Variants in LCTL observed in about 807,000 individuals in gnomAD.
LCTL encodes lactase-like protein.
In LCTL, 76 loss-of-function variants were observed where a neutral mutation model predicts 75.8. That is an observed-to-expected ratio of 1.00 (90% CI 0.83 to 1.21). LCTL has a LOEUF of 1.21. Ranked by LOEUF, LCTL falls within the 50% of genes most tolerant of loss-of-function variation. LCTL has a pLI of 0.00. For missense variants in LCTL, 670 were observed against 712.4 expected (o/e 0.94, Z 0.68); for synonymous variants, 271 against 268.8 (o/e 1.01, Z -0.08).
chr15:66,558,257 G>A (rs1247835709), intron 6 of LCTL, among the ~76,000 whole-genome samples: 2 of 152,088 alleles, frequency 1.3e-5, no homozygotes, highest in African/African-American at 2.4e-5. Flanking sequence ...ACAACTTTTT[G>A]TTGTTATTTA....
chr15:66,552,282 T>A, intron 9 of LCTL, 113 bp from the exon 11 acceptor site: 1 of 826,616 alleles, frequency 1.2e-6, no homozygotes, highest in Non-Finnish European at 1.9e-6. Context: ...TCTAATCAAG[T>A]GTATTTTGGC....
At chr15:66,560,623 T>C (rs1286152161) in intron 6 of LCTL, among the ~76,000 whole-genome samples, 1 of 152,204 alleles carries the variant, frequency 6.6e-6, no homozygotes. Context: ...CACACTCTGA[T>C]GACCACTTCT....
intron 9 of LCTL, among the ~76,000 whole-genome samples, chr15:66,552,480 G>A (rs1223948042): frequency 6.6e-6 from 1 of 151,802 alleles, no homozygotes; most frequent in African/African-American, 2.4e-5. Context: ...AGACCAGCCT[G>A]GCCAACATGG....
intron 8 of LCTL, among the ~76,000 whole-genome samples, chr15:66,554,973 C>T (rs1895706846): frequency 6.6e-6 from 1 of 152,008 alleles, no homozygotes; most frequent in African/African-American, 2.4e-5. Flanking sequence ...GAAACATGTC[C>T]AGGTGTAATC....
chr15:66,551,990 A>G, intron 10 of LCTL, 53 bp downstream of exon 11: 2 of 1,585,376 alleles, frequency 1.3e-6, no homozygotes, highest in Non-Finnish European at 1.7e-6. Flanking sequence ...TGTTAATCAC[A>G]TTTTGTCTCA....
chr15:66,553,205 G>A, exon 9 of LCTL: 1 of 1,606,806 alleles, frequency 6.2e-7, no homozygotes, highest in Non-Finnish European at 8.5e-7. Flanking sequence ...TTCTCCTGGA[G>A]TGAGAACACC....
Position 66,557,759 on chromosome 15 carries a change from A to T in LCTL, c.885T>A (p.Tyr295Ter), listed in dbSNP as rs934214687. The change falls in exon 8 of 13, where the codon TAT becomes TAA. Residue 295 changes from tyrosine to a stop codon, truncating the protein, a stop_gained. Transcript: ENST00000341509. LOFTEE classifies it high-confidence loss of function. ...TCATGACTTGGGGGTAGTCACCGGCATAAATGGGGTTGGCAAACCAGCCCA... is the reference window on the plus strand; with the variant it reads ...TCATGACTTGGGGGTAGTCACCGGCTTAAATGGGGTTGGCAAACCAGCCCA... 3 of 1,614,144 alleles carry T rather than the reference A, an allele frequency of 1.9e-6. No individual in the cohort carries two copies. The highest frequency in any genetic ancestry group is 2.5e-6 in the Non-Finnish European group (3 of 1,180,012).
intron 7 of LCTL, 44 bp from the exon 9 acceptor site, chr15:66,557,927 A>G: frequency 6.2e-7 from 1 of 1,609,776 alleles, no homozygotes; most frequent in Non-Finnish European, 8.5e-7. Context: ...TGGGCATGCC[A>G]TTGCTGCTCC....
intron 8 of LCTL, among the ~76,000 whole-genome samples, chr15:66,556,722 G>A (rs538557513): frequency 6.6e-6 from 1 of 152,280 alleles, no homozygotes; most frequent in South Asian, 2.1e-4. Context: ...GACAAATACT[G>A]TATGATTCCA....
chr15:66,549,982 G>C lies in LCTL; in HGVS notation c.1588+59C>G, dbSNP rs1040131084. 3 of 1,130,860 alleles carry C rather than the reference G, an allele frequency of 2.7e-6. No individual in the cohort carries two copies. In the African/African-American group the frequency reaches 4.9e-5, roughly 19 times the overall value. 70.1% of individuals were successfully genotyped at this position (1,130,860 alleles called of 1,614,324 possible). Reference sequence around the variant, plus strand: ...AGCCACATTTTGAGATTTTGAAAATGATATGTATAATTATTTAGTTTAATT... The same window carrying C: ...AGCCACATTTTGAGATTTTGAAAATCATATGTATAATTATTTAGTTTAATT... On this transcript the variant is annotated intron_variant, in intron 12 of 12. Coordinates refer to ENST00000341509, the Ensembl canonical transcript of LCTL.
intron 1 of LCTL, 152 bp downstream of exon 2, chr15:66,565,096 A>G: frequency 1.5e-6 from 1 of 689,430 alleles, no homozygotes; most frequent in Non-Finnish European, 2.6e-6. Flanking sequence ...CAAAAAAAAA[A>G]TATCTGTTAG....
chr15:66,553,089 G>A (rs563510366), exon 9 of LCTL: 60 of 1,610,368 alleles, frequency 3.7e-5, no homozygotes, highest in East Asian at 2.5e-4. Context: ...AGTCACGATC[G>A]TTCTGGTAGC....
At chr15:66,557,578 G>T in intron 8 of LCTL, 144 bp downstream of exon 9, 1 of 751,202 alleles carries the variant, frequency 1.3e-6, no homozygotes, top group Non-Finnish European at 2.1e-6. Flanking sequence ...CAAATGTCTG[G>T]TTCTCAATTC....
At chr15:66,560,708 G>A (rs531125918) in intron 6 of LCTL, among the ~76,000 whole-genome samples, 1 of 152,074 alleles carries the variant, frequency 6.6e-6, no homozygotes, top group South Asian at 2.1e-4. Context: ...CCCCTGGCTC[G>A]CTGTCACACC....
exon 8 of LCTL, chr15:66,557,812 C>T: frequency 6.2e-7 from 1 of 1,614,144 alleles, no homozygotes; most frequent in Non-Finnish European, 8.5e-7. Flanking sequence ...CTCTCGGCAG[C>T]CTCTAGGTCC....
rs1895544935 is a variant in LCTL, at chr15:66,550,209, T to G, written c.1525-105A>C. ...GGGTAAAAGTAAATATTTTTTAAAA[T>G]CTATCTGTAGTTTATGTTTTTAAAT... On this transcript the variant is annotated intron_variant, in intron 11 of 12. Coordinates refer to ENST00000341509, the Ensembl canonical transcript of LCTL. 2.4e-5 allele frequency: 16 copies of G among 670,944 alleles called. No individual in the cohort carries two copies. The South Asian group carries it at 2.7e-4, about 11-fold the overall frequency. 41.6% of individuals were successfully genotyped at this position (670,944 alleles called of 1,614,324 possible).
At chr15:66,563,666 C>CCTT in intron 3 of LCTL, 41 bp from the exon 5 acceptor site, 1 of 1,464,430 alleles carries the variant, frequency 6.8e-7, no homozygotes, top group Non-Finnish European at 9.5e-7. Flanking sequence ...GAAAGGACCT[C>CCTT]GGCCTTGGCC....
chr15:66,556,341 A>G (rs912620077), intron 8 of LCTL, among the ~76,000 whole-genome samples: 1 of 152,214 alleles, frequency 6.6e-6, no homozygotes, highest in South Asian at 2.1e-4. Flanking sequence ...GTCTCACTCT[A>G]TCACCCAGGC....
exon 8 of LCTL, chr15:66,557,723 A>G: frequency 6.2e-7 from 1 of 1,613,660 alleles, no homozygotes; most frequent in Non-Finnish European, 8.5e-7. Context: ...TGGGCTCACC[A>G]ATGTAGTCCT....
Sources: allele counts gnomAD v4.1 joint callset (sites outside exome capture counted in the v4.1 genomes callset), GRCh38; gene constraint gnomAD v4.1.1; transcripts MANE v1.5; gene names NCBI Gene and HGNC (gene_info 2026-07-23, HGNC 2026-07-21).